Variants in CLVS1 observed in about 807,000 individuals in gnomAD.
CLVS1 encodes clavesin-1.
A neutral mutation model predicts 33.1 loss-of-function variants in CLVS1; 10 were observed. The observed-to-expected ratio is 0.30, with a 90% CI of 0.19 to 0.51. The LOEUF is 0.51. CLVS1 is among the 20% of genes least tolerant of loss of function. The probability of loss-of-function intolerance (pLI) is 0.97; values close to 1 mark genes in which losing one functional copy is unlikely to be tolerated. For missense variants in CLVS1, 343 were observed against 433.4 expected (o/e 0.79, Z 1.85); for synonymous variants, 163 against 166.1 (o/e 0.98, Z 0.14).
intron 2 of CLVS1, among the ~76,000 whole-genome samples, chr8:61,147,081 C>A (rs953501262): frequency 2.0e-5 from 3 of 152,058 alleles, no homozygotes; most frequent in African/African-American, 7.2e-5. Context: ...ATAGGACCTC[C>A]TTCTACTGGG....
chr8:61,099,622 T>A (rs749834870), intron 1 of CLVS1, among the ~76,000 whole-genome samples: 1 of 152,160 alleles, frequency 6.6e-6, no homozygotes, highest in Non-Finnish European at 1.5e-5. Flanking sequence ...TCTAAAAGTA[T>A]CTCTGAAAGA....
At chr8:61,091,512 T>C (rs527966055) in intron 1 of CLVS1, among the ~76,000 whole-genome samples, 3 of 152,300 alleles carry the variant, frequency 2.0e-5, no homozygotes, top group Admixed American at 6.5e-5. Flanking sequence ...TGTGTGAAAA[T>C]GAATGAGGGA....
At chr8:61,274,754 T>C (rs868485768) in intron 2 of CLVS1, among the ~76,000 whole-genome samples, 3 of 152,216 alleles carry the variant, frequency 2.0e-5, no homozygotes, top group Admixed American at 6.5e-5. Context: ...ACATCCTTTT[T>C]GTTTAGATGG....
intron 2 of CLVS1, among the ~76,000 whole-genome samples, chr8:61,196,917 T>C (rs1391138620): frequency 2.6e-5 from 4 of 152,224 alleles, no homozygotes; most frequent in African/African-American, 9.6e-5. Context: ...TCTGTACCAC[T>C]TTTAAAAATC....
chr8:61,466,806 C>G (rs186171780), intron 5 of CLVS1, among the ~76,000 whole-genome samples: 1 of 152,230 alleles, frequency 6.6e-6, no homozygotes, highest in African/African-American at 2.4e-5. Context: ...CACCACCACA[C>G]TCAGCTAATT....
intron 2 of CLVS1, among the ~76,000 whole-genome samples, chr8:61,196,672 G>C (rs1056998360): frequency 6.6e-6 from 1 of 152,174 alleles, no homozygotes; most frequent in Admixed American, 6.5e-5. Context: ...GGTGGCTACA[G>C]TCAGGGACAA....
intron 2 of CLVS1, among the ~76,000 whole-genome samples, chr8:61,268,479 G>A (rs1187161605): frequency 9.3e-5 from 14 of 151,274 alleles, no homozygotes; most frequent in African/African-American, 3.2e-4. Flanking sequence ...ATAAACATAC[G>A]TGTGCATGTG....
chr8:61,217,903 A>G (rs1808123178), intron 2 of CLVS1, among the ~76,000 whole-genome samples: 1 of 152,212 alleles, frequency 6.6e-6, no homozygotes, highest in Non-Finnish European at 1.5e-5. Flanking sequence ...ATGAAGAAAA[A>G]CTTGACATAA....
intron 2 of CLVS1, among the ~76,000 whole-genome samples, chr8:61,271,590 G>A (rs977829887): frequency 1.5e-5 from 2 of 130,526 alleles, no homozygotes; most frequent in Admixed American, 1.5e-4. Flanking sequence ...CTGTCTCGTT[G>A]ATGTGTCTAA....
At chr8:61,008,363 T>G in the CLVS1 span, among the ~76,000 whole-genome samples, 6 of 152,022 alleles carry the variant, frequency 3.9e-5, no homozygotes, top group Non-Finnish European at 7.4e-5. Context: ...ATAACCCCAC[T>G]GTTAGAAAAT....
chr8:61,145,871 C>T (rs1041728830), intron 2 of CLVS1, among the ~76,000 whole-genome samples: 14 of 152,140 alleles, frequency 9.2e-5, no homozygotes, highest in African/African-American at 2.9e-4. Flanking sequence ...AATTCTGTCA[C>T]GTAAGTGTTA....
chr8:61,493,953 T>A (rs1804185488), intron 5 of CLVS1, among the ~76,000 whole-genome samples: 1 of 152,138 alleles, frequency 6.6e-6, no homozygotes, highest in African/African-American at 2.4e-5. Flanking sequence ...AGCATTCCTG[T>A]CCCTTTGTTG....
intron 2 of CLVS1, among the ~76,000 whole-genome samples, chr8:61,204,397 T>C (rs992696016): frequency 3.3e-5 from 5 of 152,190 alleles, no homozygotes; most frequent in Non-Finnish European, 7.3e-5. Context: ...AGCAAATTAT[T>C]GGATTTGTGA....
the CLVS1 span, among the ~76,000 whole-genome samples, chr8:61,047,380 AT>A: frequency 6.6e-6 from 1 of 152,230 alleles, no homozygotes; most frequent in South Asian, 2.1e-4. Flanking sequence ...TAGTTCAACC[AT>A]TGTGGAAGTC....
intron 3 of CLVS1, among the ~76,000 whole-genome samples, chr8:61,453,160 C>T (rs1317415707): frequency 6.6e-6 from 1 of 151,666 alleles, no homozygotes; most frequent in Admixed American, 6.6e-5. Context: ...TGATAGCAAA[C>T]TTGACGATTC....
At chr8:61,285,936 G>A (rs1375136193), upstream of CLVS1, among the ~76,000 whole-genome samples, 3 of 149,706 alleles carry the variant, frequency 2.0e-5, no homozygotes, top group Non-Finnish European at 4.4e-5. Flanking sequence ...TAGTTAACTG[G>A]ATCATATTTT....
the CLVS1 span, among the ~76,000 whole-genome samples, chr8:60,984,899 C>G: frequency 6.6e-6 from 1 of 152,092 alleles, no homozygotes; most frequent in Non-Finnish European, 1.5e-5. Context: ...TTCCCAAATC[C>G]CTCCTCTTAA....
intron 4 of CLVS1, among the ~76,000 whole-genome samples, chr8:61,456,928 A>G (rs1817186747): frequency 6.6e-6 from 1 of 151,240 alleles, no homozygotes; most frequent in Non-Finnish European, 1.5e-5. Context: ...AAAAAAAAAA[A>G]AAAATACATA....
chr8:61,169,208 GAC>G (rs1471141486), intron 2 of CLVS1, among the ~76,000 whole-genome samples: 2 of 152,156 alleles, frequency 1.3e-5, no homozygotes, highest in African/African-American at 4.8e-5. Flanking sequence ...AGGGCACAGA[GAC>G]TGATACCCCA....
Sources: gnomAD v4.1 joint callset for allele counts (sites outside exome capture counted in the v4.1 genomes callset) on GRCh38, gnomAD v4.1.1 for gene constraint, MANE v1.5 for transcripts, NCBI Gene and HGNC (gene_info 2026-07-23, HGNC 2026-07-21) for gene names.